Variants in PCDHA7 observed in about 807,000 individuals in gnomAD.
PCDHA7 encodes the protein protocadherin alpha-7.
Under a neutral mutation model 57.2 loss-of-function variants are expected in PCDHA7, and 37 were observed. The observed-to-expected ratio is 0.65, with a 90% CI of 0.50 to 0.85. The LOEUF (loss-of-function observed/expected upper bound fraction) is 0.85. Ranked by LOEUF, PCDHA7 falls within the 40% of genes least tolerant of loss-of-function variation. PCDHA7 has a pLI of 0.00. For synonymous variants in PCDHA7, 553 were observed against 558.8 expected (o/e 0.99, Z 0.15); for missense variants, 1,188 against 1,241.8 (o/e 0.96, Z 0.65).
intron 1 of PCDHA7, chr5:140,870,316 T>C (rs1178506832): frequency 1.2e-6 from 2 of 1,614,126 alleles, no homozygotes; most frequent in Admixed American, 3.3e-5. Context: ...GAATTACTAC[T>C]CGTTGGTGCT....
At position 141,010,146 on chromosome 5, in the gene PCDHA7, C is replaced by A. The variant is rs782795358; in HGVS notation, c.*209C>A. 1 of 1,584,410 alleles carries A rather than the reference C, an allele frequency of 6.3e-7. No individual in the cohort carries two copies. Among genetic ancestry groups the A allele is most frequent in the Non-Finnish European group, 8.6e-7 (1 of 1,164,258 alleles). The stretch of plus-strand genomic sequence containing the variant: ...TAAGTCTGGTGTTAACTCTTTCTCT[C>A]CACTCTGGCTTGTTTTCAGAACCTA... On this transcript the variant is annotated 3_prime_UTR_variant, in exon 4 of 4. Transcript: ENST00000525929.
chr5:140,993,546 G>A (rs1013720873), intron 3 of PCDHA7, among the ~76,000 whole-genome samples: 4 of 151,434 alleles, frequency 2.6e-5, no homozygotes, highest in Non-Finnish European at 5.9e-5. Context: ...AGATAGAGAA[G>A]TGAAGTATAT....
At chr5:140,995,653 G>A (rs964259982) in intron 3 of PCDHA7, among the ~76,000 whole-genome samples, 1 of 152,100 alleles carries the variant, frequency 6.6e-6, no homozygotes, top group Non-Finnish European at 1.5e-5. Context: ...AAGGAGAATC[G>A]AAAAGGGAAG....
chr5:140,871,074 G>T (rs1210767724), intron 1 of PCDHA7: 10 of 1,613,214 alleles, frequency 6.2e-6, no homozygotes, highest in Middle Eastern at 3.3e-4. Context: ...GTGAGCCGGC[G>T]CTGACGGCCA....
chr5:140,947,131 G>A (rs994081159), intron 1 of PCDHA7, among the ~76,000 whole-genome samples: 10 of 151,080 alleles, frequency 6.6e-5, no homozygotes, highest in African/African-American at 2.2e-4. Context: ...AATAAAAATA[G>A]TAAAATGTAT....
At chr5:140,967,346 G>A (rs1332345482) in intron 1 of PCDHA7, 1 of 1,607,970 alleles carries the variant, frequency 6.2e-7, no homozygotes, top group Non-Finnish European at 8.5e-7. Flanking sequence ...CGAGCACTTC[G>A]AGCTGGACCT....
Position 140,917,330 on chromosome 5 carries a change from A to AG in PCDHA7, c.2356-61611dup, listed in dbSNP as rs1425400137. Among the ~76,000 whole-genome samples the AG allele has an allele frequency of 2.5e-4, 26 of 103,228 alleles. 2 individuals carry two copies. The highest frequency in any genetic ancestry group is 3.2e-4 in the East Asian group (1 of 3,132). The allele number at this position is 103,228 out of a possible 152,430, so 67.7% of individuals were successfully genotyped here. On this transcript the variant is annotated intron_variant, in intron 1 of 3. Coordinates refer to ENST00000525929, the MANE Select transcript of PCDHA7 (RefSeq NM_018910.3). Reference sequence around the variant, plus strand: ...CAATTTGGTGTTCATGTGGCGGGGGAGGGGGGGGATGGTGTAGGCTTCTGT... The same window carrying AG: ...CAATTTGGTGTTCATGTGGCGGGGGAGGGGGGGGGATGGTGTAGGCTTCTGT...
At chr5:140,858,411 CTAT>C (rs782056031) in intron 1 of PCDHA7, 1 of 1,564,168 alleles carries the variant, frequency 6.4e-7, no homozygotes. Flanking sequence ...GAAGATCAGT[CTAT>C]TGGAGGGGAC....
chr5:140,892,237 A>G (rs1288947116), intron 1 of PCDHA7, among the ~76,000 whole-genome samples: 13 of 152,180 alleles, frequency 8.5e-5, no homozygotes, highest in Non-Finnish European at 7.4e-5. Context: ...TTGTCTCCAC[A>G]TAAACCTGGT....
intron 1 of PCDHA7, chr5:140,877,029 G>A (rs782501659): frequency 4.7e-5 from 75 of 1,612,228 alleles, no homozygotes; most frequent in Middle Eastern, 2.0e-4. Context: ...AGGTGTACGC[G>A]CTGCAGCCGC....
intron 1 of PCDHA7, among the ~76,000 whole-genome samples, chr5:140,970,970 T>C (rs1554232920): frequency 1.3e-5 from 2 of 152,170 alleles, no homozygotes; most frequent in African/African-American, 2.4e-5. Flanking sequence ...GATTGTAGAT[T>C]AAGAAAAATG....
At chr5:140,924,812 T>G (rs947021976) in intron 1 of PCDHA7, among the ~76,000 whole-genome samples, 2 of 151,424 alleles carry the variant, frequency 1.3e-5, no homozygotes, top group African/African-American at 4.9e-5. Flanking sequence ...AGAGAATCGC[T>G]TGAACCTGGG....
At chr5:140,845,370 T>G (rs1032525596) in intron 1 of PCDHA7, among the ~76,000 whole-genome samples, 1 of 149,690 alleles carries the variant, frequency 6.7e-6, no homozygotes, top group African/African-American at 2.4e-5. Flanking sequence ...CAAAATATCA[T>G]AAATAGGAGG....
chr5:140,851,194 T>G (rs1484208641), intron 1 of PCDHA7: 1 of 1,213,702 alleles, frequency 8.2e-7, no homozygotes, highest in Non-Finnish European at 1.1e-6. Flanking sequence ...AATTTAGTTG[T>G]TAGTCATTCA....
chr5:140,986,732 C>T (rs1427962629), intron 3 of PCDHA7, among the ~76,000 whole-genome samples: 1 of 152,150 alleles, frequency 6.6e-6, no homozygotes, highest in African/African-American at 2.4e-5. Context: ...CTTCTCAAGA[C>T]CCCAGGGGAT....
At chr5:141,001,705 G>A (rs2098033380) in intron 3 of PCDHA7, among the ~76,000 whole-genome samples, 1 of 152,194 alleles carries the variant, frequency 6.6e-6, no homozygotes, top group African/African-American at 2.4e-5. Context: ...GAAATAGGGG[G>A]CGGGGAAGGA....
intron 1 of PCDHA7, among the ~76,000 whole-genome samples, chr5:140,922,137 T>A (rs1235551628): frequency 2.0e-5 from 3 of 151,994 alleles, no homozygotes; most frequent in African/African-American, 7.3e-5. Context: ...TCTCTTATCC[T>A]CCATGAAACT....
chr5:140,928,392 G>T (rs17844366), intron 1 of PCDHA7: 1 of 1,614,052 alleles, frequency 6.2e-7, no homozygotes, highest in Admixed American at 1.7e-5. Context: ...TGCTGGCAGT[G>T]GAATCATCCA....
At chr5:140,953,118 A>G (rs2094850559) in intron 1 of PCDHA7, among the ~76,000 whole-genome samples, 1 of 152,162 alleles carries the variant, frequency 6.6e-6, no homozygotes, top group Non-Finnish European at 1.5e-5. Context: ...AGGGACACAG[A>G]TCTAAACCGT....
Sources: gnomAD v4.1 joint callset for allele counts (sites outside exome capture counted in the v4.1 genomes callset) on GRCh38, gnomAD v4.1.1 for gene constraint, MANE v1.5 for transcripts, NCBI Gene and HGNC (gene_info 2026-07-23, HGNC 2026-07-21) for gene names.